The following FAM107B variants were observed in gnomAD, a reference collection of about 807,000 sequenced individuals.
FAM107B encodes protein FAM107B.
In FAM107B, 21 loss-of-function variants were observed where a neutral mutation model predicts 31.5. The observed-to-expected ratio is 0.67, with a 90% confidence interval of 0.47 to 0.96. The LOEUF is 0.96. Among genes scored for constraint, FAM107B ranks in the 40% least tolerant of loss-of-function variants. The pLI, the probability that FAM107B is intolerant of heterozygous loss-of-function variation, is 0.00. For missense variants in FAM107B, 452 were observed against 377.1 expected, an observed-to-expected ratio of 1.20 and a Z score of -1.64; for synonymous variants, 157 against 141.5, an observed-to-expected ratio of 1.11 and a Z score of -0.78.
intron 2 of FAM107B, among the ~76,000 whole-genome samples, chr10:14,664,827 C>G (rs1854366533): frequency 6.6e-6 from 1 of 152,124 alleles, no homozygotes; most frequent in Admixed American, 6.5e-5. Context: ...TCATACTTTT[C>G]AAATAATTTA....
intron 2 of FAM107B, among the ~76,000 whole-genome samples, chr10:14,646,616 T>C (rs1028038885): frequency 4.6e-5 from 7 of 152,188 alleles, no homozygotes; most frequent in African/African-American, 1.4e-4. Flanking sequence ...CAATTGTGAA[T>C]TGTGCTGCAA....
intron 1 of FAM107B, among the ~76,000 whole-genome samples, chr10:14,699,953 G>A (rs1295213992): frequency 6.6e-6 from 1 of 152,090 alleles, no homozygotes. Context: ...TTATTTTTGA[G>A]ATGGACTCCC....
chr10:14,610,274 C>A (rs1852695442), intron 2 of FAM107B, among the ~76,000 whole-genome samples: 1 of 151,800 alleles, frequency 6.6e-6, no homozygotes, highest in Non-Finnish European at 1.5e-5. Context: ...ACCCGGGAGG[C>A]AGAGCTTGCA....
intron 2 of FAM107B, among the ~76,000 whole-genome samples, chr10:14,559,858 C>T (rs1051956563): frequency 3.3e-5 from 5 of 152,116 alleles, no homozygotes; most frequent in Non-Finnish European, 7.4e-5. Context: ...CGTGAGCCAC[C>T]GCGCCCGGCC....
intron 1 of FAM107B, among the ~76,000 whole-genome samples, chr10:14,669,239 G>A (rs796933156): frequency 3.9e-5 from 6 of 151,916 alleles, no homozygotes; most frequent in African/African-American, 1.5e-4. Context: ...GTGTGGTTTT[G>A]CCTGCCTGTA....
At chr10:14,739,245 A>C (rs967154128) in intron 1 of FAM107B, among the ~76,000 whole-genome samples, 1 of 152,190 alleles carries the variant, frequency 6.6e-6, no homozygotes, top group African/African-American at 2.4e-5. Context: ...TCGCTCCATG[A>C]CGGGAGTGCT....
At chr10:14,738,878 G>A (rs1303377614) in intron 1 of FAM107B, among the ~76,000 whole-genome samples, 2 of 152,210 alleles carry the variant, frequency 1.3e-5, no homozygotes, top group African/African-American at 4.8e-5. Flanking sequence ...AGCAGTTTAA[G>A]GCAATGAATT....
chr10:14,533,017 G>A (rs1847197926), intron 2 of FAM107B, among the ~76,000 whole-genome samples: 1 of 152,166 alleles, frequency 6.6e-6, no homozygotes, highest in Admixed American at 6.5e-5. Flanking sequence ...AGGGAGGGAT[G>A]GTGAGGATAT....
intron 2 of FAM107B, among the ~76,000 whole-genome samples, chr10:14,631,819 T>C (rs892261851): frequency 2.0e-5 from 3 of 152,144 alleles, no homozygotes; most frequent in African/African-American, 7.2e-5. Context: ...TGAGGTCCAG[T>C]GCAACATGGA....
At chr10:14,662,190 C>T (rs1854260074) in intron 2 of FAM107B, among the ~76,000 whole-genome samples, 1 of 152,148 alleles carries the variant, frequency 6.6e-6, no homozygotes, top group Non-Finnish European at 1.5e-5. Flanking sequence ...TGGCACCTTG[C>T]AATAAAGAAC....
At chr10:14,662,132 T>C (rs965132409) in intron 2 of FAM107B, among the ~76,000 whole-genome samples, 1 of 152,238 alleles carries the variant, frequency 6.6e-6, no homozygotes, top group Non-Finnish European at 1.5e-5. Context: ...ATGTTCTTTA[T>C]TTTTGCATTG....
Position 14,707,513 on chromosome 10 carries a change from G to A in FAM107B, c.412-39822C>T, listed in dbSNP as rs115313831. Among the ~76,000 whole-genome samples the A allele has an allele frequency of 3.4e-3, 520 of 152,238 alleles. 1 individual carries two copies. Among genetic ancestry groups the A allele is most frequent in the African/African-American group, 0.012 (481 of 41,538 alleles). The stretch of plus-strand genomic sequence containing the variant: ...CCCAGCAGGATGCCCCGAGACTGAC[G>A]AGAGGTGAATCCATGACTGCAGAAG... On this transcript the variant is annotated intron_variant, in intron 1 of 4. Transcript: ENST00000181796.
rs200496194 is a variant in FAM107B at position 14,774,354 on chromosome 10, T to C, written c.310A>G (p.Thr104Ala). Residue 104 changes from threonine to alanine, a missense_variant, in exon 1 of 5, where the codon ACG becomes GCG. Coordinates refer to ENST00000181796, the MANE Select transcript of FAM107B (RefSeq NM_031453.4). ...AGGGACCCGGGCACATCTTCAGGCG[T>C]CTCCGCGGGCTGGGCCGCAGTGCGG... ...SHRTAAQPAETPEDVPGSLDD... is the reference protein window; with the variant it reads ...SHRTAAQPAEAPEDVPGSLDD... 8.7e-6 allele frequency: 14 copies of C among 1,614,204 alleles called. No individual in the cohort carries two copies. The highest frequency in any genetic ancestry group is 1.3e-5 in the African/African-American group (1 of 75,050).
intron 2 of FAM107B, among the ~76,000 whole-genome samples, chr10:14,580,080 C>CT (rs1351948851): frequency 6.6e-6 from 1 of 151,280 alleles, no homozygotes; most frequent in African/African-American, 2.4e-5. Context: ...GAAAGCCAGG[C>CT]TGGGTGCGGT....
chr10:14,638,972 C>T (rs1212676413), intron 2 of FAM107B, among the ~76,000 whole-genome samples: 1 of 152,120 alleles, frequency 6.6e-6, no homozygotes, highest in East Asian at 1.9e-4. Context: ...GGGAGGATTG[C>T]TTGAGTCCAG....
intron 1 of FAM107B, among the ~76,000 whole-genome samples, chr10:14,770,114 A>G (rs529979288): frequency 3.9e-5 from 6 of 152,228 alleles, no homozygotes; most frequent in Middle Eastern, 3.4e-3. Flanking sequence ...TGTTTACCCA[A>G]TGGAACTTCC....
intron 1 of FAM107B, chr10:14,723,116 A>G: frequency 2.5e-6 from 1 of 396,796 alleles, no homozygotes; most frequent in Admixed American, 3.3e-5. Context: ...ATTGATGTTT[A>G]TTTTCCATCA....
chr10:14,762,869 T>G (rs983800814), intron 1 of FAM107B, among the ~76,000 whole-genome samples: 1 of 152,178 alleles, frequency 6.6e-6, no homozygotes, highest in Non-Finnish European at 1.5e-5. Flanking sequence ...GAACCTCATT[T>G]GGTCCTTTAC....
At chr10:14,690,578 G>A (rs756078504) in intron 1 of FAM107B, among the ~76,000 whole-genome samples, 6 of 151,982 alleles carry the variant, frequency 3.9e-5, no homozygotes, top group South Asian at 2.1e-4. Flanking sequence ...TCAGCCTCCC[G>A]AGTAGCTGGG....
Sources: gnomAD v4.1 joint callset for allele counts (sites outside exome capture counted in the v4.1 genomes callset) on GRCh38, gnomAD v4.1.1 for gene constraint, MANE v1.5 for transcripts, NCBI Gene and HGNC (gene_info 2026-07-23, HGNC 2026-07-21) for gene names.